Variants in HS6ST3 observed in about 807,000 individuals in gnomAD.
HS6ST3 encodes heparan-sulfate 6-O-sulfotransferase 3.
In HS6ST3, 12 loss-of-function variants were observed where a neutral mutation model predicts 36.7. The observed-to-expected ratio is 0.33, with a 90% CI of 0.21 to 0.53. HS6ST3 has a LOEUF of 0.53. Ranked by LOEUF, HS6ST3 falls within the 20% of genes least tolerant of loss-of-function variation. The pLI is 0.95. For missense variants in HS6ST3, 584 were observed against 640.9 expected (o/e 0.91, Z 0.96); for synonymous variants, 240 against 257.5 (o/e 0.93, Z 0.65).
At chr13:96,156,177 T>G (rs894277778) in intron 1 of HS6ST3, among the ~76,000 whole-genome samples, 4 of 152,098 alleles carry the variant, frequency 2.6e-5, no homozygotes, top group African/African-American at 9.7e-5. Context: ...GAAGATAGGG[T>G]CATTATCCCC....
At chr13:96,434,165 T>C (rs1223767233) in intron 1 of HS6ST3, among the ~76,000 whole-genome samples, 3 of 152,146 alleles carry the variant, frequency 2.0e-5, no homozygotes, top group African/African-American at 7.2e-5. Context: ...AAAAATATTA[T>C]AGATTTTTGT....
intron 1 of HS6ST3, among the ~76,000 whole-genome samples, chr13:96,216,335 A>G (rs372595040): frequency 6.6e-6 from 1 of 152,324 alleles, no homozygotes. Context: ...TGACTGCTTA[A>G]TATTCCACTG....
intron 1 of HS6ST3, among the ~76,000 whole-genome samples, chr13:96,325,003 T>G (rs899978078): frequency 1.1e-4 from 17 of 152,158 alleles, no homozygotes; most frequent in Admixed American, 3.3e-4. Flanking sequence ...GATGGACAAT[T>G]TGTTTAAATC....
rs143736244 is a variant in HS6ST3 at position 96,296,985 on chromosome 13, C to A, written c.707+205416C>A. Among the ~76,000 whole-genome samples the A allele has an allele frequency of 7.2e-4, 110 of 152,146 alleles. 2 individuals are homozygous for A. Among genetic ancestry groups the A allele is most frequent in the African/African-American group, 2.5e-3 (105 of 41,542 alleles). Reference sequence around the variant, plus strand: ...TCTCTGGTCTATTCTCAATACTGCTCCTAACTTTATCTTGCTAAAATGCAT... The same window carrying A: ...TCTCTGGTCTATTCTCAATACTGCTACTAACTTTATCTTGCTAAAATGCAT... On this transcript the variant is annotated intron_variant, in intron 1 of 1. Coordinates refer to ENST00000376705, the MANE Select transcript of HS6ST3 (RefSeq NM_153456.4).
At chr13:96,510,488 A>G (rs1334718780) in intron 1 of HS6ST3, among the ~76,000 whole-genome samples, 1 of 152,094 alleles carries the variant, frequency 6.6e-6, no homozygotes, top group Non-Finnish European at 1.5e-5. Context: ...TCTGCAAGGA[A>G]TCCGATGATG....
At chr13:96,809,409 C>G (rs1420458860) in intron 1 of HS6ST3, among the ~76,000 whole-genome samples, 2 of 152,106 alleles carry the variant, frequency 1.3e-5, no homozygotes, top group East Asian at 3.9e-4. Context: ...TGTATCCTGT[C>G]TTGTTTTTTG....
chr13:96,113,971 C>T (rs9562028), intron 1 of HS6ST3, among the ~76,000 whole-genome samples: 7 of 151,754 alleles, frequency 4.6e-5, no homozygotes, highest in African/African-American at 9.7e-5. Flanking sequence ...TGAAGAGCCG[C>T]GTATTAGGAT....
chr13:96,686,321 A>G (rs773731184), intron 1 of HS6ST3, among the ~76,000 whole-genome samples: 2 of 152,050 alleles, frequency 1.3e-5, no homozygotes, highest in African/African-American at 4.8e-5. Context: ...ACAGCAATGT[A>G]TTCATCCCCC....
In HS6ST3 at chr13:96,765,115, G is replaced by A. The variant is rs369098563; in HGVS notation, c.708-67375G>A. Among the ~76,000 whole-genome samples, 267 of 136,654 alleles carry A rather than the reference G, an allele frequency of 2.0e-3. 3 individuals carry two copies. Among genetic ancestry groups the A allele is most frequent in the African/African-American group, 6.7e-3 (243 of 36,022 alleles). The allele number at this position is 136,654 out of a possible 152,430, so 89.7% of individuals were successfully genotyped here. ...GGAGTCTCGCTCTGTCGCCCACGCC[G>A]GACTGCGGACTGCAGTGGCGCAATC... is the stretch of plus-strand genomic sequence containing the variant. On this transcript the variant is annotated intron_variant, in intron 1 of 1. Coordinates refer to ENST00000376705, the MANE Select transcript of HS6ST3 (RefSeq NM_153456.4).
At chr13:96,431,118 T>G (rs9556590) in intron 1 of HS6ST3, among the ~76,000 whole-genome samples, 15,048 of 151,822 alleles carry the variant, frequency 0.099, 1,104 homozygotes, top group Admixed American at 0.23. Context: ...GCAGGAGGAT[T>G]ACTTGAGCCT....
intron 1 of HS6ST3, among the ~76,000 whole-genome samples, chr13:96,602,893 G>A (rs1434893690): frequency 6.6e-6 from 1 of 152,146 alleles, no homozygotes; most frequent in African/African-American, 2.4e-5. Flanking sequence ...TTTTTGCAGT[G>A]TACTTCCTGG....
rs369155502 is a variant in HS6ST3, at chr13:96,665,175, A to AAAAT, written c.708-167299_708-167296dup. Among the ~76,000 whole-genome samples, 710 of 152,256 alleles carry AAAAT rather than the reference A, an allele frequency of 4.7e-3. 6 individuals carry two copies. The highest frequency in any genetic ancestry group is 0.017 in the African/African-American group (692 of 41,546). On this transcript the variant is annotated intron_variant, in intron 1 of 1. Transcript: ENST00000376705. ...AATAGAGACCCTGTCTCAAAAAGAT[A>AAAAT]AAATAAATAAATAAATAAACAAGGC... is the stretch of plus-strand genomic sequence containing the variant.
intron 1 of HS6ST3, among the ~76,000 whole-genome samples, chr13:96,207,105 C>A (rs1420789165): frequency 6.6e-6 from 1 of 151,898 alleles, no homozygotes; most frequent in East Asian, 1.9e-4. Context: ...AACAAATTTA[C>A]AAGAAAAAAC....
chr13:96,112,123 A>G (rs1332670581), intron 1 of HS6ST3, among the ~76,000 whole-genome samples: 2 of 152,180 alleles, frequency 1.3e-5, no homozygotes, highest in Non-Finnish European at 2.9e-5. Context: ...AGAAAGCCCC[A>G]GAAATAGATA....
At chr13:96,403,328 G>T (rs1485248272) in intron 1 of HS6ST3, among the ~76,000 whole-genome samples, 1 of 152,004 alleles carries the variant, frequency 6.6e-6, no homozygotes, top group Non-Finnish European at 1.5e-5. Flanking sequence ...GATTCCATTT[G>T]TCACTGGAAG....
intron 1 of HS6ST3, among the ~76,000 whole-genome samples, chr13:96,460,272 A>G (rs895033160): frequency 1.4e-4 from 21 of 152,208 alleles, no homozygotes; most frequent in African/African-American, 4.6e-4. Context: ...TCAGACTATA[A>G]GATAGTACTG....
intron 1 of HS6ST3, among the ~76,000 whole-genome samples, chr13:96,092,335 G>A (rs563117075): frequency 1.3e-5 from 2 of 152,128 alleles, no homozygotes; most frequent in African/African-American, 4.8e-5. Flanking sequence ...AACATCCCTT[G>A]TTTTCAGGAT....
At chr13:96,404,616 G>A (rs1257516315) in intron 1 of HS6ST3, among the ~76,000 whole-genome samples, 1 of 152,224 alleles carries the variant, frequency 6.6e-6, no homozygotes, top group East Asian at 1.9e-4. Context: ...GGAAAAGTCT[G>A]GGAGTTGTAG....
intron 1 of HS6ST3, among the ~76,000 whole-genome samples, chr13:96,692,405 C>A (rs1874990035): frequency 6.6e-6 from 1 of 152,090 alleles, no homozygotes; most frequent in South Asian, 2.1e-4. Context: ...TGTGCATGTT[C>A]ACTACAGAAA....
Sources: gnomAD v4.1 joint callset for allele counts (sites outside exome capture counted in the v4.1 genomes callset) on GRCh38, gnomAD v4.1.1 for gene constraint, MANE v1.5 for transcripts, NCBI Gene and HGNC (gene_info 2026-07-23, HGNC 2026-07-21) for gene names.